Variants in EEFSEC observed in about 807,000 individuals in gnomAD.
EEFSEC encodes the protein selenocysteine-specific elongation factor.
EEFSEC carries 43 observed loss-of-function variants against 42.1 expected under a neutral mutation model. That is an observed-to-expected ratio of 1.02 (90% CI 0.80 to 1.32). The LOEUF is 1.32. Among genes scored for constraint, EEFSEC ranks in the 40% most tolerant of loss-of-function variants. The pLI, the probability that EEFSEC is intolerant of heterozygous loss-of-function variation, is 0.00. For missense variants in EEFSEC, 745 were observed against 803.6 expected (o/e 0.93, Z 0.88); for synonymous variants, 354 against 339.1 (o/e 1.04, Z -0.48).
chr3:128,273,741 G>A lies in EEFSEC; in HGVS notation c.786+8960G>A, dbSNP rs2066438606. Among the ~76,000 whole-genome samples the A allele has an allele frequency of 2.0e-5, 3 of 152,242 alleles. No homozygotes were observed. In the South Asian group the frequency reaches 6.2e-4, roughly 31 times the overall value. On this transcript the variant is annotated intron_variant, in intron 4 of 6. Coordinates refer to ENST00000254730, the MANE Select transcript of EEFSEC (RefSeq NM_021937.5). ...AGCATTTCACACAGTCTTCTGCAAG[G>A]ATGGCACTGGGTGGCCCAGGCATGG...
intron 4 of EEFSEC, among the ~76,000 whole-genome samples, chr3:128,302,253 T>C (rs1395243608): frequency 6.6e-6 from 1 of 152,208 alleles, no homozygotes; most frequent in Non-Finnish European, 1.5e-5. Context: ...GCTATTTTAA[T>C]ACTGTTTAAT....
intron 1 of EEFSEC, among the ~76,000 whole-genome samples, chr3:128,223,104 A>G (rs2999088): frequency 0.13 from 20,312 of 152,234 alleles, 1,561 homozygotes; most frequent in Admixed American, 0.2. Flanking sequence ...AGTCATACCT[A>G]TGTAATGAAA....
At chr3:128,354,042 C>T (rs2067421984) in intron 5 of EEFSEC, among the ~76,000 whole-genome samples, 1 of 152,122 alleles carries the variant, frequency 6.6e-6, no homozygotes, top group Non-Finnish European at 1.5e-5. Context: ...GCCCAGAGTG[C>T]CAGTGTCCTC....
At chr3:128,295,211 C>G in intron 4 of EEFSEC, among the ~76,000 whole-genome samples, 1 of 152,232 alleles carries the variant, frequency 6.6e-6, no homozygotes. Flanking sequence ...AGTGCGATGT[C>G]CCCTCAGCCC....
intron 1 of EEFSEC, among the ~76,000 whole-genome samples, chr3:128,176,789 A>G (rs1055364419): frequency 2.6e-5 from 4 of 152,126 alleles, no homozygotes; most frequent in Non-Finnish European, 5.9e-5. Context: ...AAGATCAGAA[A>G]GAACTATTTT....
the EEFSEC span, among the ~76,000 whole-genome samples, chr3:128,423,315 A>T: frequency 6.6e-6 from 1 of 152,162 alleles, no homozygotes; most frequent in Non-Finnish European, 1.5e-5. Flanking sequence ...ATCTAATAAA[A>T]ATTAAAAAGG....
chr3:128,213,064 C>CCA (rs990326565), intron 1 of EEFSEC, among the ~76,000 whole-genome samples: 6 of 152,332 alleles, frequency 3.9e-5, no homozygotes, highest in African/African-American at 9.6e-5. Context: ...TGGCTGCCCA[C>CCA]CACACCTTCT....
intron 6 of EEFSEC, among the ~76,000 whole-genome samples, chr3:128,384,527 G>C (rs1427506222): frequency 6.6e-6 from 1 of 152,190 alleles, no homozygotes; most frequent in Non-Finnish European, 1.5e-5. Flanking sequence ...CCTTACCAAA[G>C]CCCTGTAGGC....
intron 1 of EEFSEC, among the ~76,000 whole-genome samples, chr3:128,218,188 A>G (rs1559873056): frequency 1.3e-5 from 2 of 152,198 alleles, no homozygotes; most frequent in Non-Finnish European, 2.9e-5. Context: ...TGAAGTGAAT[A>G]AGGGGAAAAA....
chr3:128,404,591 A>AGGCTCTGAT (rs1249031623), intron 6 of EEFSEC, among the ~76,000 whole-genome samples: 1 of 152,226 alleles, frequency 6.6e-6, no homozygotes, highest in Non-Finnish European at 1.5e-5. Flanking sequence ...AAGGAAGGCC[A>AGGCTCTGAT]GGCTCTGATT....
At chr3:128,220,191 A>T (rs9857235) in intron 1 of EEFSEC, among the ~76,000 whole-genome samples, 107,765 of 152,082 alleles carry the variant, frequency 0.71, 38,418 homozygotes, top group East Asian at 0.89. Context: ...AGAGACTTGA[A>T]CCCAGTCATT....
At chr3:128,386,157 G>T (rs2067835164) in intron 6 of EEFSEC, among the ~76,000 whole-genome samples, 1 of 152,188 alleles carries the variant, frequency 6.6e-6, no homozygotes, top group East Asian at 1.9e-4. Flanking sequence ...GGCAGAACTA[G>T]TGATGCTGAG....
At chr3:128,377,004 T>C (rs1303672884) in intron 6 of EEFSEC, among the ~76,000 whole-genome samples, 4 of 152,204 alleles carry the variant, frequency 2.6e-5, no homozygotes, top group Non-Finnish European at 2.9e-5. Context: ...CCCAGACTTT[T>C]GTTTCCATCC....
intron 4 of EEFSEC, among the ~76,000 whole-genome samples, chr3:128,290,447 C>T: frequency 6.6e-6 from 1 of 152,086 alleles, no homozygotes; most frequent in Non-Finnish European, 1.5e-5. Flanking sequence ...TTATTGTCTT[C>T]TCATGCTATC....
At chr3:128,233,206 T>G (rs905536632) in intron 1 of EEFSEC, among the ~76,000 whole-genome samples, 17 of 152,244 alleles carry the variant, frequency 1.1e-4, no homozygotes, top group Non-Finnish European at 2.2e-4. Flanking sequence ...GCAGGCCATG[T>G]TATCCAGTTA....
intron 4 of EEFSEC, among the ~76,000 whole-genome samples, chr3:128,310,388 C>A (rs2066876854): frequency 6.6e-6 from 1 of 152,210 alleles, no homozygotes; most frequent in South Asian, 2.1e-4. Flanking sequence ...GAGGTTGTGG[C>A]TTTTACTCAC....
At chr3:128,161,296 A>T (rs1434593869) in intron 1 of EEFSEC, among the ~76,000 whole-genome samples, 1 of 152,092 alleles carries the variant, frequency 6.6e-6, no homozygotes, top group African/African-American at 2.4e-5. Context: ...AGGGACTTAG[A>T]CTCATCCTCA....
chr3:128,182,885 G>A (rs1388563067), intron 1 of EEFSEC, among the ~76,000 whole-genome samples: 6 of 150,674 alleles, frequency 4.0e-5, no homozygotes, highest in African/African-American at 5.0e-5. Context: ...GATCGGGGCG[G>A]GGGGGTGGGG....
intron 3 of EEFSEC, 64 bp downstream of exon 3, chr3:128,262,288 G>T (rs932731005): frequency 1.7e-5 from 25 of 1,436,730 alleles, no homozygotes; most frequent in Non-Finnish European, 2.3e-5. Flanking sequence ...GCCCCTTTGT[G>T]TCCCTCTCTC....
Sources: gnomAD v4.1 joint callset for allele counts (sites outside exome capture counted in the v4.1 genomes callset) on GRCh38, gnomAD v4.1.1 for gene constraint, MANE v1.5 for transcripts, NCBI Gene and HGNC (gene_info 2026-07-23, HGNC 2026-07-21) for gene names.